The following SMAP1 variants were observed in gnomAD, a reference collection of about 807,000 sequenced individuals.
SMAP1 encodes the protein small ArfGAP 1, also known as stromal membrane-associated protein 1.
In SMAP1, 24 loss-of-function variants were observed where a neutral mutation model predicts 58.5. That is an observed-to-expected ratio of 0.41 (90% CI 0.30 to 0.58). SMAP1 has a LOEUF of 0.58. Ranked by LOEUF, SMAP1 falls within the 20% of genes least tolerant of loss-of-function variation. The pLI is 0.29. For synonymous variants in SMAP1, 216 were observed against 196.6 expected (o/e 1.10, Z -0.82); for missense variants, 563 against 566.3 (o/e 0.99, Z 0.06).
chr6:70,726,612 A>G (rs1011228737), intron 1 of SMAP1, among the ~76,000 whole-genome samples: 3 of 152,334 alleles, frequency 2.0e-5, no homozygotes, highest in African/African-American at 7.2e-5. Flanking sequence ...GGTAATCAGA[A>G]ACTGAAGAGA....
intron 4 of SMAP1, among the ~76,000 whole-genome samples, chr6:70,788,483 T>C (rs910803230): frequency 2.6e-5 from 4 of 151,666 alleles, no homozygotes; most frequent in African/African-American, 9.7e-5. Flanking sequence ...AAAAAAAACT[T>C]ACATATTAGG....
intron 6 of SMAP1, 38 bp downstream of exon 6, chr6:70,798,775 C>A: frequency 7.0e-7 from 1 of 1,429,122 alleles, no homozygotes; most frequent in Non-Finnish European, 9.4e-7. Flanking sequence ...ATTAGGATTA[C>A]CATTTTATTT....
chr6:70,826,203 G>GGGATGAATAATAAGAAACTTTTTAGAA, intron 6 of SMAP1, among the ~76,000 whole-genome samples: 1 of 152,218 alleles, frequency 6.6e-6, no homozygotes, highest in South Asian at 2.1e-4. Flanking sequence ...TTCAGTATTT[G>GGGATGAATAATAAGAAACTTTTTAGAA]GGATGAATAA....
At chr6:70,736,231 A>G (rs953382602) in intron 2 of SMAP1, among the ~76,000 whole-genome samples, 2 of 152,244 alleles carry the variant, frequency 1.3e-5, no homozygotes, top group African/African-American at 4.8e-5. Flanking sequence ...TTAATAACAT[A>G]GAAATAAAGT....
chr6:70,763,376 T>A (rs1766835479), intron 3 of SMAP1, among the ~76,000 whole-genome samples: 1 of 152,156 alleles, frequency 6.6e-6, no homozygotes, highest in Non-Finnish European at 1.5e-5. Context: ...AACAAAATTA[T>A]AACATAAATG....
In SMAP1 at chr6:70,802,803, C is replaced by A. The variant is rs543426749; in HGVS notation, c.576+4066C>A. ...CTTTGGTTCTGTTTATGTGATGGAT[C>A]ACGTTTATCGATTTGCGTATGTTGA... On this transcript the variant is annotated intron_variant, in intron 6 of 10. Transcript: ENST00000370455. Among the ~76,000 whole-genome samples the A allele has an allele frequency of 2.0e-5, 3 of 152,118 alleles. No individual in the cohort carries two copies. The South Asian group carries it at 6.2e-4, about 32-fold the overall frequency.
At chr6:70,724,408 C>G (rs1001843358) in intron 1 of SMAP1, among the ~76,000 whole-genome samples, 1 of 152,110 alleles carries the variant, frequency 6.6e-6, no homozygotes, top group African/African-American at 2.4e-5. Flanking sequence ...GTTGGCCAGG[C>G]TGGTCTTGAA....
intron 1 of SMAP1, among the ~76,000 whole-genome samples, chr6:70,709,341 A>G (rs779809143): frequency 6.6e-6 from 1 of 152,034 alleles, no homozygotes; most frequent in Non-Finnish European, 1.5e-5. Flanking sequence ...GCTTTATAAT[A>G]CTTTTTTTTT....
At chr6:70,712,227 A>G (rs905893721) in intron 1 of SMAP1, among the ~76,000 whole-genome samples, 88 of 152,180 alleles carry the variant, frequency 5.8e-4, no homozygotes, top group Non-Finnish European at 1.2e-3. Flanking sequence ...AATGAGGGGT[A>G]ATCACCTTGA....
chr6:70,855,315 T>C (rs910921384), intron 8 of SMAP1, among the ~76,000 whole-genome samples: 11 of 152,158 alleles, frequency 7.2e-5, no homozygotes, highest in Admixed American at 4.6e-4. Flanking sequence ...TTTGAGTGCT[T>C]ACTAGTCCTG....
At chr6:70,691,453 A>G (rs1767163457) in intron 1 of SMAP1, among the ~76,000 whole-genome samples, 1 of 152,204 alleles carries the variant, frequency 6.6e-6, no homozygotes, top group Non-Finnish European at 1.5e-5. Flanking sequence ...TTATGTTACA[A>G]ACATTACAGT....
intron 6 of SMAP1, among the ~76,000 whole-genome samples, chr6:70,824,516 T>C (rs182273013): frequency 6.6e-6 from 1 of 152,278 alleles, no homozygotes; most frequent in East Asian, 1.9e-4. Context: ...TTACTTAATG[T>C]TGTTTTAAAT....
intron 4 of SMAP1, among the ~76,000 whole-genome samples, chr6:70,775,259 GTTTAT>G (rs1222338978): frequency 6.6e-6 from 1 of 152,118 alleles, no homozygotes; most frequent in Admixed American, 6.5e-5. Context: ...AATCATTTTA[GTTTAT>G]TTTAGGGAAC....
chr6:70,676,982 A>G (rs1766507082), intron 1 of SMAP1, among the ~76,000 whole-genome samples: 1 of 151,854 alleles, frequency 6.6e-6, no homozygotes, highest in South Asian at 2.1e-4. Context: ...TGTGGTGGGG[A>G]GGGGCCTTGC....
chr6:70,838,838 G>C (rs1770699347), intron 7 of SMAP1, among the ~76,000 whole-genome samples: 1 of 152,156 alleles, frequency 6.6e-6, no homozygotes, highest in Non-Finnish European at 1.5e-5. Context: ...GAAATAATCT[G>C]ACTTTTGTAT....
intron 1 of SMAP1, among the ~76,000 whole-genome samples, chr6:70,690,267 T>C (rs1767103900): frequency 6.6e-6 from 1 of 152,212 alleles, no homozygotes; most frequent in South Asian, 2.1e-4. Context: ...ATCAAATGCT[T>C]TTCTGCATCT....
intron 6 of SMAP1, 113 bp from the exon 7 acceptor site, chr6:70,836,828 T>C: frequency 2.5e-6 from 2 of 802,630 alleles, no homozygotes; most frequent in Non-Finnish European, 3.8e-6. Flanking sequence ...TATTATACTA[T>C]GTTTCATATT....
intron 2 of SMAP1, among the ~76,000 whole-genome samples, chr6:70,748,373 T>A (rs1049363700): frequency 6.6e-6 from 1 of 151,978 alleles, no homozygotes; most frequent in Non-Finnish European, 1.5e-5. Flanking sequence ...GCAAGTAGTT[T>A]CCCCCCTCCC....
chr6:70,739,799 G>C (rs191616329), intron 2 of SMAP1, among the ~76,000 whole-genome samples: 20 of 150,882 alleles, frequency 1.3e-4, no homozygotes, highest in African/African-American at 4.6e-4. Flanking sequence ...ATTTTTTTCC[G>C]TCTGCCTTTC....
Sources: allele counts gnomAD v4.1 joint callset (sites outside exome capture counted in the v4.1 genomes callset), GRCh38; gene constraint gnomAD v4.1.1; transcripts MANE v1.5; gene names NCBI Gene and HGNC (gene_info 2026-07-23, HGNC 2026-07-21).